Variants in FAM13B observed in about 807,000 individuals in gnomAD.
FAM13B encodes the protein family with sequence similarity 13 member B.
FAM13B carries 60 observed loss-of-function variants against 117.3 expected under a neutral mutation model. That is an observed-to-expected ratio of 0.51 (90% CI 0.42 to 0.63). The LOEUF is 0.63. Ranked by LOEUF, FAM13B falls within the 30% of genes least tolerant of loss-of-function variation. FAM13B has a pLI of 0.00. For synonymous variants in FAM13B, 332 were observed against 356.1 expected, an observed-to-expected ratio of 0.93 and a Z score of 0.76; for missense variants, 972 against 1,091.9, an observed-to-expected ratio of 0.89 and a Z score of 1.55.
upstream of FAM13B, chr5:138,036,533 A>G (rs1293947475): frequency 2.2e-6 from 1 of 456,534 alleles, no homozygotes; most frequent in African/African-American, 2.0e-5. Context: ...TTGAAGGCCC[A>G]CTCCCTCGAC....
chr5:138,001,456 T>G (rs536293276), intron 7 of FAM13B, among the ~76,000 whole-genome samples: 62 of 152,346 alleles, frequency 4.1e-4, no homozygotes, highest in African/African-American at 1.2e-3. Flanking sequence ...ACACATTTGC[T>G]ATATATGTAA....
intron 10 of FAM13B, among the ~76,000 whole-genome samples, chr5:137,979,971 G>C (rs1436145718): frequency 7.1e-6 from 1 of 139,960 alleles, no homozygotes; most frequent in African/African-American, 2.7e-5. Context: ...AGACTAGCCT[G>C]ATCAATAAGG....
At chr5:137,985,988 C>T (rs1217675337) in intron 9 of FAM13B, among the ~76,000 whole-genome samples, 1 of 152,188 alleles carries the variant, frequency 6.6e-6, no homozygotes, top group East Asian at 1.9e-4. Context: ...TCCTTTGAAA[C>T]ATTTTCCCAC....
chr5:138,022,937 C>T (rs148838576), intron 1 of FAM13B, among the ~76,000 whole-genome samples: 1 of 152,028 alleles, frequency 6.6e-6, no homozygotes, highest in East Asian at 1.9e-4. Context: ...CAAGCAATCC[C>T]CTGCCTCAGC....
At chr5:138,018,664 C>G in intron 3 of FAM13B, 150 bp from the exon 4 acceptor site, 1 of 696,360 alleles carries the variant, frequency 1.4e-6, no homozygotes, top group South Asian at 1.9e-5. Flanking sequence ...AATTATACAT[C>G]TAGAAACATA....
intron 4 of FAM13B, 107 bp downstream of exon 4, chr5:138,018,191 AAATT>A: frequency 1.0e-6 from 1 of 953,432 alleles, no homozygotes; most frequent in Non-Finnish European, 1.6e-6. Context: ...AGAAAATAAC[AAATT>A]AATCTCTAAA....
At chr5:137,956,952 TG>T (rs1335198833) in intron 13 of FAM13B, among the ~76,000 whole-genome samples, 1 of 152,236 alleles carries the variant, frequency 6.6e-6, no homozygotes, top group Non-Finnish European at 1.5e-5. Context: ...AATCTGAAGA[TG>T]GTATCCACTT....
chr5:137,970,333 A>G (rs1581129897), intron 10 of FAM13B, among the ~76,000 whole-genome samples: 1 of 152,114 alleles, frequency 6.6e-6, no homozygotes, highest in Non-Finnish European at 1.5e-5. Flanking sequence ...AGAATTTTCA[A>G]CCCAGAATTT....
rs192075321 is a variant in FAM13B at position 137,998,039 on chromosome 5, A to C, written c.848+8951T>G. Among the ~76,000 whole-genome samples the C allele has an allele frequency of 1.9e-4, 29 of 152,354 alleles. No individual in the cohort carries two copies. The East Asian group carries it at 5.4e-3, about 28-fold the overall frequency. On this transcript the variant is annotated intron_variant, in intron 7 of 23. Coordinates refer to ENST00000689681, the MANE Select transcript of FAM13B (RefSeq NM_001385994.1). ...CTTTCCACTGTATCATATCCAAATA[A>C]GGCAAATGCCTACCCAATCAAGTTA...
intron 12 of FAM13B, 25 bp downstream of exon 12, chr5:137,960,141 A>G (rs1174884183): frequency 1.4e-6 from 2 of 1,448,356 alleles, no homozygotes; most frequent in Non-Finnish European, 1.9e-6. Flanking sequence ...GTTTTTAAAG[A>G]CTAAGACAAA....
rs1334344750 is a variant in FAM13B, at chr5:137,949,202, GGACA to G, written c.1931-22_1931-19del. 1 of 1,589,874 alleles carries G rather than the reference GGACA, an allele frequency of 6.3e-7. No homozygotes were observed. Among genetic ancestry groups the G allele is most frequent in the Non-Finnish European group, 8.6e-7 (1 of 1,158,682 alleles). ...TTTTGCATCTACATGTCAGAAATAA[GGACA>G]GATCAGTAATAATTGGTTTTAGCTT... On this transcript the variant is annotated intron_variant, in intron 17 of 23. Transcript: ENST00000689681.
At chr5:137,966,802 G>A (rs1006169827) in intron 10 of FAM13B, among the ~76,000 whole-genome samples, 1 of 152,088 alleles carries the variant, frequency 6.6e-6, no homozygotes, top group African/African-American at 2.4e-5. Context: ...ACACTCAACT[G>A]ATTTGAAACA....
intron 4 of FAM13B, among the ~76,000 whole-genome samples, chr5:138,012,293 C>A (rs1195716368): frequency 6.7e-6 from 1 of 150,226 alleles, no homozygotes; most frequent in African/African-American, 2.5e-5. Flanking sequence ...ACACTAGTGC[C>A]AACTATAAGA....
At chr5:137,988,352 CAATACTT>C (rs763488584) in intron 7 of FAM13B, 37 bp from the exon 8 acceptor site, 1 of 1,523,662 alleles carries the variant, frequency 6.6e-7, no homozygotes, top group Admixed American at 2.2e-5. Flanking sequence ...TAAAAATGTT[CAATACTT>C]AATAACTACA....
chr5:137,945,010 T>C (rs968117312), intron 20 of FAM13B, among the ~76,000 whole-genome samples: 1 of 152,028 alleles, frequency 6.6e-6, no homozygotes, highest in Non-Finnish European at 1.5e-5. Flanking sequence ...GCTCAGTACC[T>C]AGGTGACAGG....
chr5:138,006,969 T>C, intron 7 of FAM13B, 21 bp downstream of exon 7: 1 of 1,580,738 alleles, frequency 6.3e-7, no homozygotes, highest in Non-Finnish European at 8.6e-7. Context: ...AAAGCTAAAG[T>C]TCATTCAACT....
At position 137,948,401 on chromosome 5, in the gene FAM13B, C is replaced by CTTTA. The variant is rs144781317; in HGVS notation, c.2160+550_2160+553dup. ...CTAAGGTCTGTAGGTCTGTTTCATG[C>CTTTA]TTTATTTATTTATTTATTTATTTAC... On this transcript the variant is annotated intron_variant, in intron 18 of 23. Transcript: ENST00000689681. 3.2e-4 allele frequency among the ~76,000 whole-genome samples: 48 copies of CTTTA among 151,834 alleles called. 1 individual carries two copies. Among genetic ancestry groups the CTTTA allele is most frequent in the South Asian group, 2.5e-3 (12 of 4,806 alleles).
At chr5:138,022,965 C>T (rs1249878768) in intron 1 of FAM13B, among the ~76,000 whole-genome samples, 1 of 151,858 alleles carries the variant, frequency 6.6e-6, no homozygotes, top group African/African-American at 2.4e-5. Flanking sequence ...ATTGCTGGGC[C>T]TACATGTACA....
rs553344143 is a variant in FAM13B, at chr5:137,966,736, C to T, written c.1180-4267G>A. ...CCAAAATCCAAAACACTAACACTAC[C>T]AAATACTGGCAAGAATGTGGCACTG... On this transcript the variant is annotated intron_variant, in intron 10 of 23. Transcript: ENST00000689681. Among the ~76,000 whole-genome samples, 35 of 152,104 alleles carry T rather than the reference C, an allele frequency of 2.3e-4. 1 individual carries two copies. The highest frequency in any genetic ancestry group is 4.0e-4 in the Non-Finnish European group (27 of 67,976).
Sources: allele counts gnomAD v4.1 joint callset (sites outside exome capture counted in the v4.1 genomes callset), GRCh38; gene constraint gnomAD v4.1.1; transcripts MANE v1.5; gene names NCBI Gene and HGNC (gene_info 2026-07-23, HGNC 2026-07-21).